Variants in PPID observed in about 807,000 individuals in gnomAD.
The protein encoded by PPID is peptidyl-prolyl cis-trans isomerase D.
PPID carries 47 observed loss-of-function variants against 48.1 expected under a neutral mutation model. That is an observed-to-expected ratio of 0.98 (90% CI 0.77 to 1.25). PPID has a LOEUF of 1.25. Ranked by LOEUF, PPID falls within the 50% of genes most tolerant of loss-of-function variation. The probability of loss-of-function intolerance (pLI) is 0.00; values close to 1 mark genes in which losing one functional copy is unlikely to be tolerated. For synonymous variants in PPID, 163 were observed against 148.8 expected, an observed-to-expected ratio of 1.10 and a Z score of -0.69; for missense variants, 429 against 443.5, an observed-to-expected ratio of 0.97 and a Z score of 0.29.
intron 6 of PPID, 151 bp downstream of exon 6, chr4:158,715,146 C>T (rs1438032217): frequency 4.1e-6 from 2 of 493,574 alleles, no homozygotes; most frequent in South Asian, 4.3e-5. Flanking sequence ...TTTCTCAAAA[C>T]AAGCTGAGGG....
chr4:158,717,783 C>T (rs1291400592), intron 3 of PPID, among the ~76,000 whole-genome samples: 1 of 152,166 alleles, frequency 6.6e-6, no homozygotes, highest in Non-Finnish European at 1.5e-5. Flanking sequence ...GGTTTTCATC[C>T]CAGATGAATC....
rs185169871 is a variant in PPID at position 158,715,292 on chromosome 4, A to C, written c.752+5T>G. ...TTAAAAATAATTTGTTAGAAATAAT[A>C]TTACCTTAAAACTTCTGCATATTTT... On this transcript the variant is annotated splice_donor_5th_base_variant and intron_variant, in intron 6 of 9. Transcript: ENST00000307720. 4.9e-5 allele frequency: 71 copies of C among 1,441,860 alleles called. No individual in the cohort carries two copies. The Admixed American group carries it at 6.2e-4, about 13-fold the overall frequency. 89.3% of individuals were successfully genotyped at this position (1,441,860 alleles called of 1,614,324 possible). A position where few individuals can be genotyped will look rare whatever the true frequency, so the allele number is the denominator to read the frequency against.
At position 158,723,217 on chromosome 4, in the gene PPID, G is replaced by A. The variant is rs1197485913; in HGVS notation, c.72C>T (p.Ile24=). 2.5e-6 allele frequency: 4 copies of A among 1,613,806 alleles called. No homozygotes were observed. The highest frequency in any genetic ancestry group is 3.4e-6 in the Non-Finnish European group (4 of 1,179,882). The change falls in exon 1 of 10, where the codon ATC becomes ATT. Residue 24 remains isoleucine, a synonymous_variant. Transcript: ENST00000307720. ...SNPRVFFDVD[I]GGERVGRIVL... Reference sequence around the variant, plus strand: ...GACTCCGCTCACCTCGCTCCCCTCCGATGTCCACGTCAAAGAAGACTCGAG... The same window carrying A: ...GACTCCGCTCACCTCGCTCCCCTCCAATGTCCACGTCAAAGAAGACTCGAG...
In PPID at chr4:158,723,333, T is replaced by G. The variant is rs567432287; in HGVS notation, c.-45A>C. 16 of 1,577,470 alleles carry G rather than the reference T, an allele frequency of 1.0e-5. No individual in the cohort carries two copies. The highest frequency in any genetic ancestry group is 9.1e-5 in the East Asian group (4 of 44,182). ...TAGTACGGAATATCAGAGTACCTAG[T>G]GGCCGCCCGGGCCGCCCAAACTCCA... On this transcript the variant is annotated 5_prime_UTR_variant, in exon 1 of 10. Transcript: ENST00000307720.
intron 6 of PPID, among the ~76,000 whole-genome samples, chr4:158,714,476 C>A (rs1774837715): frequency 6.6e-6 from 1 of 151,990 alleles, no homozygotes; most frequent in South Asian, 2.1e-4. Context: ...GAATAAAAAA[C>A]CAGGGGAGGT....
Position 158,719,163 on chromosome 4 carries a change from CA to C in PPID, c.333+16del, listed in dbSNP as rs768702262. ...CAATCTTTTTATCAGCAATAACATGCATTTTCTCTACTTTACCTTGTAATGG... is the reference window on the plus strand; with the variant it reads ...CAATCTTTTTATCAGCAATAACATGCTTTTCTCTACTTTACCTTGTAATGG... On this transcript the variant is annotated intron_variant, in intron 3 of 9. Coordinates refer to ENST00000307720, the MANE Select transcript of PPID (RefSeq NM_005038.3). 2.3e-5 allele frequency: 34 copies of C among 1,466,108 alleles called. 1 individual carries two copies. Among genetic ancestry groups the C allele is most frequent in the Non-Finnish European group, 3.1e-5 (33 of 1,049,374 alleles). The allele number at this position is 1,466,108 out of a possible 1,614,324, so 90.8% of individuals were successfully genotyped here. A position where few individuals can be genotyped will look rare whatever the true frequency, so the allele number is the denominator to read the frequency against.
At position 158,723,272 on chromosome 4, in the gene PPID, G is replaced by T. The variant is rs144881111; in HGVS notation, c.17C>A (p.Pro6His). The T allele has an allele frequency of 6.2e-7, 1 of 1,613,828 alleles. No homozygotes were observed. Among genetic ancestry groups the T allele is most frequent in the African/African-American group, 1.3e-5 (1 of 74,922 alleles). Residue 6 changes from proline (P) to histidine (H), a missense_variant, in exon 1 of 10, where the codon CCC becomes CAC. Transcript: ENST00000307720. The part of the protein sequence containing the change: MSHPS[P>H]QAKPSNPSNP... ...ACTGGGGTTGGAGGGCTTGGCTTGG[G>T]GGGACGGGTGCGACATCTTGACTTG...
intron 4 of PPID, among the ~76,000 whole-genome samples, chr4:158,716,652 A>G (rs1774876100): frequency 6.6e-6 from 1 of 151,588 alleles, no homozygotes; most frequent in Admixed American, 6.6e-5. Context: ...CCTTTTACTT[A>G]TATTTCTTTA....
chr4:158,709,690 ATT>A lies in PPID; in HGVS notation c.*44_*45del, dbSNP rs1774747177. The A allele has an allele frequency of 7.2e-7, 1 of 1,380,440 alleles. No individual in the cohort carries two copies. Among genetic ancestry groups the A allele is most frequent in the African/African-American group, 1.4e-5 (1 of 69,650 alleles). The allele number at this position is 1,380,440 out of a possible 1,614,324, so 85.5% of individuals were successfully genotyped here. A position where few individuals can be genotyped will look rare whatever the true frequency, so the allele number is the denominator to read the frequency against. ...TAGACAAAAACCTTTACATTTTCTT[ATT>A]GCATTTATACAATCAACACACAATA... On this transcript the variant is annotated 3_prime_UTR_variant, in exon 10 of 10. Transcript: ENST00000307720.
intron 4 of PPID, among the ~76,000 whole-genome samples, chr4:158,716,559 TAA>T (rs33958032): frequency 1.2e-4 from 16 of 138,192 alleles, no homozygotes; most frequent in Admixed American, 3.6e-4. Flanking sequence ...GTAGAAAAGT[TAA>T]AAAAAAAAAA....
At position 158,709,439 on chromosome 4, in the gene PPID, G is replaced by C; in HGVS notation, c.*297C>G. 1 of 199,928 alleles carries C rather than the reference G, an allele frequency of 5.0e-6. No individual in the cohort carries two copies. Among genetic ancestry groups the C allele is most frequent in the Non-Finnish European group, 1.0e-5 (1 of 99,346 alleles). The allele number at this position is 199,928 out of a possible 1,614,324, so 12.4% of individuals were successfully genotyped here. On this transcript the variant is annotated 3_prime_UTR_variant, in exon 10 of 10. Coordinates refer to ENST00000307720, the MANE Select transcript of PPID (RefSeq NM_005038.3). ...CCCAGCTACTTGGGAAGCTGAGGCAGGAGAATTGCTTGAACCCGGGAGGCA... is the reference window on the plus strand; with the variant it reads ...CCCAGCTACTTGGGAAGCTGAGGCACGAGAATTGCTTGAACCCGGGAGGCA...
chr4:158,722,462 G>C (rs961453317), intron 1 of PPID, among the ~76,000 whole-genome samples: 16 of 152,222 alleles, frequency 1.1e-4, no homozygotes, highest in African/African-American at 3.9e-4. Context: ...CCTAGCCCTA[G>C]CTAGTTGCAA....
At chr4:158,712,527 C>T (rs1372524890) in intron 7 of PPID, among the ~76,000 whole-genome samples, 1 of 152,080 alleles carries the variant, frequency 6.6e-6, no homozygotes, top group Admixed American at 6.5e-5. Flanking sequence ...GAGGCCAAGG[C>T]GGGTGGATCA....
intron 1 of PPID, 126 bp downstream of exon 1, chr4:158,723,078 G>C: frequency 6.3e-6 from 6 of 951,584 alleles, no homozygotes; most frequent in Non-Finnish European, 9.7e-6. Flanking sequence ...GACCAGCCTA[G>C]GCAGCCATCC....
intron 2 of PPID, 129 bp downstream of exon 2, chr4:158,721,214 C>G (rs1193565850): frequency 1.8e-6 from 2 of 1,095,448 alleles, no homozygotes; most frequent in Non-Finnish European, 2.6e-6. Context: ...AACTGCGTTA[C>G]TGCCTCAGAC....
chr4:158,719,026 T>C (rs919756089), intron 3 of PPID, among the ~76,000 whole-genome samples, 154 bp downstream of exon 3: 2 of 152,212 alleles, frequency 1.3e-5, no homozygotes, highest in Non-Finnish European at 2.9e-5. Flanking sequence ...AACTTTTCCA[T>C]ATTAAAGAAC....
intron 1 of PPID, among the ~76,000 whole-genome samples, chr4:158,722,175 A>T (rs1449606656): frequency 2.6e-5 from 4 of 152,240 alleles, no homozygotes; most frequent in African/African-American, 9.6e-5. Flanking sequence ...TAAGGATCAT[A>T]ACCAATTATA....
intron 3 of PPID, among the ~76,000 whole-genome samples, chr4:158,718,130 T>C (rs770603969): frequency 5.6e-4 from 86 of 152,240 alleles, no homozygotes; most frequent in Non-Finnish European, 1.0e-3. Context: ...TCACATCACC[T>C]TTAGTTTTCA....
Position 158,710,754 on chromosome 4 carries a change from A to G in PPID, c.981+8T>C. ...TTTAAAAAATTAAACATTTGGAACA[A>G]AATTTACCAATGCTTGATCATATTC... On this transcript the variant is annotated splice_region_variant and intron_variant, in intron 8 of 9. Coordinates refer to ENST00000307720, the MANE Select transcript of PPID (RefSeq NM_005038.3). 1 of 1,612,790 alleles carries G rather than the reference A, an allele frequency of 6.2e-7. No individual in the cohort carries two copies. Among genetic ancestry groups the G allele is most frequent in the South Asian group, 1.1e-5 (1 of 90,936 alleles).
Sources: gnomAD v4.1 joint callset for allele counts (sites outside exome capture counted in the v4.1 genomes callset) on GRCh38, gnomAD v4.1.1 for gene constraint, MANE v1.5 for transcripts, NCBI Gene and HGNC (gene_info 2026-07-23, HGNC 2026-07-21) for gene names.